Variants in AK5 observed in about 807,000 individuals in gnomAD.
AK5 encodes the protein adenylate kinase 5, also known as adenylate kinase isoenzyme 5.
In AK5, 27 loss-of-function variants were observed where a neutral mutation model predicts 69.5. The observed-to-expected ratio is 0.39, with a 90% confidence interval of 0.29 to 0.54. The LOEUF (loss-of-function observed/expected upper bound fraction) is 0.54. AK5 is among the 20% of genes least tolerant of loss of function. The pLI, the probability that AK5 is intolerant of heterozygous loss-of-function variation, is 0.71. For synonymous variants in AK5, 260 were observed against 244.4 expected, an observed-to-expected ratio of 1.06 and a Z score of -0.60; for missense variants, 531 against 700.4, an observed-to-expected ratio of 0.76 and a Z score of 2.73.
At chr1:77,373,135 G>A (rs72641178) in intron 6 of AK5, among the ~76,000 whole-genome samples, 28 of 151,914 alleles carry the variant, frequency 1.8e-4, no homozygotes, top group African/African-American at 6.5e-4. Flanking sequence ...GAATAAGCTT[G>A]TAACCGTTTA....
At chr1:77,340,190 A>G (rs1052879374) in intron 5 of AK5, among the ~76,000 whole-genome samples, 187 bp from the exon 6 acceptor site, 8 of 152,220 alleles carry the variant, frequency 5.3e-5, no homozygotes, top group Non-Finnish European at 1.0e-4. Context: ...TGCTATTTAC[A>G]TGGACTACAG....
chr1:77,487,338 T>G (rs1444389370), intron 10 of AK5, among the ~76,000 whole-genome samples: 1 of 152,092 alleles, frequency 6.6e-6, no homozygotes, highest in Non-Finnish European at 1.5e-5. Context: ...GTTTTCCTCA[T>G]GGAAATAAAG....
At chr1:77,558,333 C>G (rs1660229163) in intron 13 of AK5, among the ~76,000 whole-genome samples, 1 of 152,176 alleles carries the variant, frequency 6.6e-6, no homozygotes, top group African/African-American at 2.4e-5. Context: ...GTGAGAGTTC[C>G]TATTGCTCCA....
intron 8 of AK5, among the ~76,000 whole-genome samples, chr1:77,465,656 G>A (rs78355391): frequency 0.021 from 3,258 of 152,260 alleles, 79 homozygotes; most frequent in East Asian, 0.11. Flanking sequence ...GAATTCTGAG[G>A]TGGTGGAGTG....
In AK5 at chr1:77,358,557, A is replaced by C. The variant is rs1433612894; in HGVS notation, c.891+17989A>C. Among the ~76,000 whole-genome samples the C allele has an allele frequency of 2.2e-4, 33 of 152,232 alleles. 3 individuals are homozygous for C. The highest frequency in any genetic ancestry group is 2.2e-3 in the Admixed American group (33 of 15,290). Reference sequence around the variant, plus strand: ...GACAACTATTGGTCTGAGAGTTTACAGAATGATCCCAGAGATAAAGCCAAA... The same window carrying C: ...GACAACTATTGGTCTGAGAGTTTACCGAATGATCCCAGAGATAAAGCCAAA... On this transcript the variant is annotated intron_variant, in intron 6 of 13. Transcript: ENST00000354567.
chr1:77,511,716 T>C (rs1364178400), intron 10 of AK5, among the ~76,000 whole-genome samples: 1 of 152,218 alleles, frequency 6.6e-6, no homozygotes, highest in Non-Finnish European at 1.5e-5. Flanking sequence ...CCAGAGTAGA[T>C]GCAAATAAAG....
intron 13 of AK5, among the ~76,000 whole-genome samples, chr1:77,556,762 T>C (rs1233200037): frequency 6.6e-6 from 1 of 152,150 alleles, no homozygotes; most frequent in Non-Finnish European, 1.5e-5. Context: ...AAAGTGTGCT[T>C]GTAAATGTGT....
intron 10 of AK5, among the ~76,000 whole-genome samples, chr1:77,503,794 A>G (rs1389383171): frequency 1.3e-5 from 2 of 151,922 alleles, no homozygotes; most frequent in Non-Finnish European, 2.9e-5. Flanking sequence ...AATCCCAGCT[A>G]CTCAGAAGGC....
At chr1:77,323,677 C>T (rs1660646217) in intron 5 of AK5, among the ~76,000 whole-genome samples, 1 of 152,080 alleles carries the variant, frequency 6.6e-6, no homozygotes, top group Non-Finnish European at 1.5e-5. Context: ...AATAATAAGC[C>T]TTTTGGAAAT....
chr1:77,414,251 A>G, intron 7 of AK5, among the ~76,000 whole-genome samples: 1 of 152,206 alleles, frequency 6.6e-6, no homozygotes, highest in Admixed American at 6.5e-5. Flanking sequence ...CGAAACTGTT[A>G]ATGAAAATAA....
chr1:77,343,731 G>A (rs895365993), intron 6 of AK5, among the ~76,000 whole-genome samples: 75 of 152,104 alleles, frequency 4.9e-4, no homozygotes, highest in African/African-American at 1.6e-3. Context: ...AGCTTAAAAC[G>A]GTGTCTAGAA....
At chr1:77,392,278 C>T (rs1486032402) in intron 6 of AK5, among the ~76,000 whole-genome samples, 1 of 152,158 alleles carries the variant, frequency 6.6e-6, no homozygotes, top group Non-Finnish European at 1.5e-5. Flanking sequence ...AAGCCCAAAT[C>T]TCATGAATGG....
chr1:77,376,526 T>C (rs1440307742), intron 6 of AK5, among the ~76,000 whole-genome samples: 1 of 151,176 alleles, frequency 6.6e-6, no homozygotes, highest in Non-Finnish European at 1.5e-5. Flanking sequence ...TTTCTATGGG[T>C]CTTCTCTTTG....
intron 10 of AK5, among the ~76,000 whole-genome samples, chr1:77,511,972 G>C (rs1273684318): frequency 6.6e-6 from 1 of 152,174 alleles, no homozygotes; most frequent in Non-Finnish European, 1.5e-5. Context: ...TGGGAGAATA[G>C]ATCCAAATAA....
chr1:77,513,379 T>C (rs543827860), intron 10 of AK5, among the ~76,000 whole-genome samples: 1 of 152,332 alleles, frequency 6.6e-6, no homozygotes, highest in South Asian at 2.1e-4. Context: ...GTGACCTCTC[T>C]GATGGAAAAG....
chr1:77,501,404 C>G, intron 10 of AK5, among the ~76,000 whole-genome samples: 1 of 152,200 alleles, frequency 6.6e-6, no homozygotes, highest in East Asian at 1.9e-4. Context: ...AGGCAATTTC[C>G]TTGTTATGAG....
chr1:77,411,514 C>T (rs1650043233), intron 7 of AK5, among the ~76,000 whole-genome samples: 1 of 152,154 alleles, frequency 6.6e-6, no homozygotes, highest in African/African-American at 2.4e-5. Flanking sequence ...TACCTCTTCT[C>T]TTCCTAAGTG....
At chr1:77,363,582 A>G (rs1217554994) in intron 6 of AK5, among the ~76,000 whole-genome samples, 2 of 152,174 alleles carry the variant, frequency 1.3e-5, no homozygotes, top group African/African-American at 4.8e-5. Context: ...ATGATGTAGT[A>G]TCCTGTTCTC....
intron 10 of AK5, among the ~76,000 whole-genome samples, chr1:77,502,262 A>T (rs184538269): frequency 5.6e-4 from 86 of 152,226 alleles, no homozygotes; most frequent in African/African-American, 2.0e-3. Flanking sequence ...TGCTCCTTTG[A>T]GTGGCTTCTC....
Sources: allele counts gnomAD v4.1 joint callset (sites outside exome capture counted in the v4.1 genomes callset), GRCh38; gene constraint gnomAD v4.1.1; transcripts MANE v1.5; gene names NCBI Gene and HGNC (gene_info 2026-07-23, HGNC 2026-07-21).